The following DNAJC21 variants were observed in gnomAD, a reference collection of about 807,000 sequenced individuals.
The protein encoded by DNAJC21 is dnaJ homolog subfamily C member 21.
DNAJC21 carries 63 observed loss-of-function variants against 72.4 expected under a neutral mutation model. That is an observed-to-expected ratio of 0.87 (90% confidence interval 0.71 to 1.07). DNAJC21 has a LOEUF of 1.07. DNAJC21 is among the 50% of genes least tolerant of loss of function. The pLI is 0.00. For missense variants in DNAJC21, 634 were observed against 644.8 expected, an observed-to-expected ratio of 0.98 and a Z score of 0.18; for synonymous variants, 203 against 216.7, an observed-to-expected ratio of 0.94 and a Z score of 0.56.
rs1765604841 is a variant in DNAJC21 at position 34,958,824 on chromosome 5, TTC to T, written c.*4112_*4113del. 6.6e-6 allele frequency: 1 copy of T among 152,256 alleles called. No individual in the cohort carries two copies. The highest frequency in any genetic ancestry group is 2.4e-5 in the African/African-American group (1 of 41,466). 9.4% of individuals were successfully genotyped at this position (152,256 alleles called of 1,614,324 possible). ...TATGTGGGTTAAATCTATTGATATTTTCTGTTAGAATTTAAAAATTATGTTAA... is the reference window on the plus strand; with the variant it reads ...TATGTGGGTTAAATCTATTGATATTTTGTTAGAATTTAAAAATTATGTTAA... On this transcript the variant is annotated 3_prime_UTR_variant, in exon 12 of 12. Transcript: ENST00000648817.
chr5:34,929,886 T>C lies in DNAJC21; in HGVS notation c.67T>C (p.Tyr23His), dbSNP rs1764524576. 1.3e-6 allele frequency: 2 copies of C among 1,578,176 alleles called. No individual in the cohort carries two copies. The highest frequency in any genetic ancestry group is 1.7e-6 in the Non-Finnish European group (2 of 1,162,508). ...CAGCGAGGAGGAGCTCAAGAAGGCCTATCGGAAGCTGGCCCTGAAATGGCA... is the reference window on the plus strand; with the variant it reads ...CAGCGAGGAGGAGCTCAAGAAGGCCCATCGGAAGCTGGCCCTGAAATGGCA... ...DASEEELKKA[Y>H]RKLALKWHPD... Residue 23 changes from tyrosine (Y) to histidine (H), a missense_variant, in exon 1 of 12, where the codon TAT becomes CAT. Physicochemically the swap from Tyr to His is moderately conservative, Grantham distance 83. Transcript: ENST00000648817.
intron 5 of DNAJC21, 123 bp downstream of exon 5, chr5:34,937,753 T>G (rs922567525): frequency 8.2e-7 from 1 of 1,212,866 alleles, no homozygotes; most frequent in African/African-American, 1.5e-5. Flanking sequence ...TTTTTCTTCT[T>G]TTTTAAATTG....
At chr5:34,934,180 C>A (rs1457080202) in intron 2 of DNAJC21, among the ~76,000 whole-genome samples, 1 of 151,950 alleles carries the variant, frequency 6.6e-6, no homozygotes, top group African/African-American at 2.4e-5. Flanking sequence ...TCATTAAATA[C>A]CCTTTGGTGT....
chr5:34,944,557 C>T (rs77951002), intron 7 of DNAJC21, among the ~76,000 whole-genome samples: 190 of 151,896 alleles, frequency 1.3e-3, no homozygotes, highest in African/African-American at 4.2e-3. Flanking sequence ...GCCGACATTC[C>T]CCCATCCCCA....
intron 9 of DNAJC21, among the ~76,000 whole-genome samples, chr5:34,948,050 A>C (rs970247290): frequency 5.9e-5 from 9 of 152,140 alleles, no homozygotes; most frequent in African/African-American, 1.4e-4. Context: ...CCCCTCCCCC[A>C]AAAAAAGGAA....
rs1764829030 is a variant in DNAJC21, at chr5:34,937,596, G to A, written c.709G>A (p.Glu237Lys). The A allele has an allele frequency of 1.2e-6, 2 of 1,613,286 alleles. No individual in the cohort carries two copies. Among genetic ancestry groups the A allele is most frequent in the African/African-American group, 2.7e-5 (2 of 74,878 alleles). The change falls in exon 5 of 12, where the codon GAG becomes AAG. Residue 237 changes from glutamate to lysine, a missense_variant. Coordinates refer to ENST00000648817, the MANE Select transcript of DNAJC21 (RefSeq NM_001012339.3). The stretch of plus-strand genomic sequence containing the variant: ...TGCAGAGAAGGCGAGGAAAGCCGAA[G>A]AGATGAGGCGGCAGCAGAAGCTAAA... ...QNAEKARKAEEMRRQQKLKQA... is the reference protein window; with the variant it reads ...QNAEKARKAEKMRRQQKLKQA...
At chr5:34,947,184 A>T (rs894635244) in intron 9 of DNAJC21, among the ~76,000 whole-genome samples, 1 of 152,170 alleles carries the variant, frequency 6.6e-6, no homozygotes, top group Non-Finnish European at 1.5e-5. Flanking sequence ...AAACCCTCCC[A>T]GATTAAAACT....
At chr5:34,932,589 A>T (rs549498197) in intron 1 of DNAJC21, among the ~76,000 whole-genome samples, 1 of 152,342 alleles carries the variant, frequency 6.6e-6, no homozygotes, top group African/African-American at 2.4e-5. Flanking sequence ...GGACTCCCAC[A>T]GTTTCTAAGG....
intron 7 of DNAJC21, among the ~76,000 whole-genome samples, chr5:34,944,040 A>G (rs1307462501): frequency 1.3e-5 from 2 of 152,226 alleles, no homozygotes; most frequent in African/African-American, 2.4e-5. Flanking sequence ...AACTAAAACT[A>G]TAATACCAAA....
intron 8 of DNAJC21, 48 bp downstream of exon 8, chr5:34,945,073 G>A: frequency 1.3e-6 from 2 of 1,589,212 alleles, no homozygotes; most frequent in Non-Finnish European, 1.7e-6. Context: ...CACATTCAGA[G>A]ATTGCATTAA....
In DNAJC21 at chr5:34,929,986, C is replaced by G. The variant is rs539738733; in HGVS notation, c.97+70C>G. 1.9e-4 allele frequency: 236 copies of G among 1,259,542 alleles called. No individual in the cohort carries two copies. In the Middle Eastern group the frequency reaches 4.7e-3, roughly 25 times the overall value. The allele number at this position is 1,259,542 out of a possible 1,614,324, so 78.0% of individuals were successfully genotyped here. On this transcript the variant is annotated intron_variant, in intron 1 of 11. Transcript: ENST00000648817. Reference sequence around the variant, plus strand: ...GGCCCTCCCCGACCTTCCCTTCCCCCGGGCGGACTCCGCGGAGCCAGCAGA... The same window carrying G: ...GGCCCTCCCCGACCTTCCCTTCCCCGGGGCGGACTCCGCGGAGCCAGCAGA...
At chr5:34,952,903 C>T (rs1319984003) in intron 10 of DNAJC21, among the ~76,000 whole-genome samples, 1 of 152,072 alleles carries the variant, frequency 6.6e-6, no homozygotes, top group Non-Finnish European at 1.5e-5. Flanking sequence ...ATATTCCCAG[C>T]ACTTTGGAAA....
At chr5:34,941,959 C>T (rs1296002532) in intron 7 of DNAJC21, among the ~76,000 whole-genome samples, 4 of 151,910 alleles carry the variant, frequency 2.6e-5, no homozygotes, top group African/African-American at 7.3e-5. Flanking sequence ...CATACTGTCT[C>T]GGGGGATTCC....
At position 34,954,708 on chromosome 5, in the gene DNAJC21, CAGAT is replaced by C. The variant is rs777268963; in HGVS notation, c.1594_*1del. On this transcript the variant is annotated frameshift_variant and stop_lost, in exon 12 of 12. Coordinates refer to ENST00000648817, the MANE Select transcript of DNAJC21 (RefSeq NM_001012339.3). LOFTEE classifies it high-confidence loss of function. Reference sequence around the variant, plus strand: ...AAAGCAAGAAAGAGAAACGTAAAAACAGATAGAGATTCTGCCTGTGCTTTTGTTT... The same window carrying C: ...AAAGCAAGAAAGAGAAACGTAAAAACAGAGATTCTGCCTGTGCTTTTGTTT... The C allele has an allele frequency of 2.9e-5, 46 of 1,598,194 alleles. No individual in the cohort carries two copies. The highest frequency in any genetic ancestry group is 4.0e-5 in the African/African-American group (3 of 74,220).
At chr5:34,931,829 G>A (rs1764607316) in intron 1 of DNAJC21, among the ~76,000 whole-genome samples, 1 of 152,016 alleles carries the variant, frequency 6.6e-6, no homozygotes, top group Non-Finnish European at 1.5e-5. Flanking sequence ...ATGTTGGGAA[G>A]GAAAAATGAC....
At chr5:34,949,792 A>G (rs1765298782) in intron 9 of DNAJC21, 1 of 1,514,010 alleles carries the variant, frequency 6.6e-7, no homozygotes, top group African/African-American at 1.4e-5. Context: ...GGAATATGGA[A>G]AAGTATCATC....
chr5:34,954,403 T>C (rs1330692675), intron 11 of DNAJC21, 150 bp from the exon 12 acceptor site: 1 of 910,266 alleles, frequency 1.1e-6, no homozygotes, highest in Non-Finnish European at 1.6e-6. Context: ...CAAGAACATC[T>C]GCCTTTGTTG....
chr5:34,941,763 C>CA (rs1765003563), intron 7 of DNAJC21, among the ~76,000 whole-genome samples: 1 of 151,828 alleles, frequency 6.6e-6, no homozygotes, highest in African/African-American at 2.4e-5. Context: ...GACAGGGTCT[C>CA]ACCATGTTGG....
rs201544024 is a variant in DNAJC21, at chr5:34,935,765, G to T, written c.247G>T (p.Asp83Tyr). Residue 83 changes from aspartate to tyrosine, a missense_variant, in exon 3 of 12, where the codon GAT (aspartate) becomes TAT (tyrosine). Coordinates refer to ENST00000648817, the MANE Select transcript of DNAJC21 (RefSeq NM_001012339.3). ...AGGTGGGTTTGATGGCGAATATCAA[G>T]ATGACAGCTTAGATTTGCTACGCTA... ...LKGGFDGEYQ[D>Y]DSLDLLRYFT... 605 of 1,613,932 alleles carry T rather than the reference G, an allele frequency of 3.7e-4. No homozygotes were observed. Among genetic ancestry groups the T allele is most frequent in the Non-Finnish European group, 5.0e-4 (588 of 1,179,968 alleles).
Sources: gnomAD v4.1 joint callset for allele counts (sites outside exome capture counted in the v4.1 genomes callset) on GRCh38, gnomAD v4.1.1 for gene constraint, MANE v1.5 for transcripts, NCBI Gene and HGNC (gene_info 2026-07-23, HGNC 2026-07-21) for gene names.